Variants in MAST4 observed in about 807,000 individuals in gnomAD.
MAST4 encodes the protein microtubule-associated serine/threonine-protein kinase 4.
In MAST4, 89 loss-of-function variants were observed where a neutral mutation model predicts 162.7. The observed-to-expected ratio is 0.55, with a 90% confidence interval of 0.46 to 0.65. The LOEUF is 0.65. Among genes scored for constraint, MAST4 ranks in the 30% least tolerant of loss-of-function variants. The pLI is 0.00. For synonymous variants in MAST4, 1,479 were observed against 1,361.1 expected, an observed-to-expected ratio of 1.09 and a Z score of -1.91; for missense variants, 3,153 against 3,374.0, an observed-to-expected ratio of 0.93 and a Z score of 1.62.
At chr5:67,104,697 GA>G (rs60519477) in intron 10 of MAST4, 122 bp downstream of exon 10, 48,113 of 476,652 alleles carry the variant, frequency 0.1, 1,630 homozygotes, top group African/African-American at 0.3. Context: ...AAAAAAGAAG[GA>G]AAAAAAAAAA....
At chr5:66,710,155 C>T (rs1053409412) in intron 1 of MAST4, among the ~76,000 whole-genome samples, 6 of 152,210 alleles carry the variant, frequency 3.9e-5, no homozygotes, top group Non-Finnish European at 5.9e-5. Context: ...CCATTTCTCT[C>T]CTGGATTTAG....
At chr5:66,975,213 TGACACTGATTTCA>T (rs1747981456) in intron 4 of MAST4, among the ~76,000 whole-genome samples, 1 of 152,168 alleles carries the variant, frequency 6.6e-6, no homozygotes, top group Non-Finnish European at 1.5e-5. Context: ...TTCAGCCCTT[TGACACTGATTTCA>T]GATTTCTGGC....
intron 3 of MAST4, among the ~76,000 whole-genome samples, chr5:66,810,826 C>T (rs907899492): frequency 6.6e-6 from 1 of 152,146 alleles, no homozygotes. Context: ...AGATTTTGAT[C>T]CATACTTGTG....
At chr5:66,828,739 A>G in intron 3 of MAST4, 1 of 1,521,302 alleles carries the variant, frequency 6.6e-7, no homozygotes, top group Admixed American at 2.0e-5. Flanking sequence ...CTAGAGCGTG[A>G]TGTAAGTGTT....
At chr5:66,771,157 G>T (rs552506883) in intron 2 of MAST4, among the ~76,000 whole-genome samples, 1 of 151,756 alleles carries the variant, frequency 6.6e-6, no homozygotes, top group Non-Finnish European at 1.5e-5. Flanking sequence ...AAAGTTGTAT[G>T]TGTGTAAATA....
At chr5:66,930,722 T>G (rs530178812) in intron 4 of MAST4, 1 of 470,860 alleles carries the variant, frequency 2.1e-6, no homozygotes, top group Admixed American at 2.3e-5. Flanking sequence ...TTTATACCAT[T>G]CTATCTGGGT....
intron 1 of MAST4, among the ~76,000 whole-genome samples, chr5:66,639,906 G>A (rs1420318096): frequency 6.6e-6 from 1 of 152,082 alleles, no homozygotes; most frequent in East Asian, 1.9e-4. Context: ...GAAGCCAATT[G>A]ATATATCTAT....
intron 4 of MAST4, among the ~76,000 whole-genome samples, chr5:67,011,593 C>T (rs1752680016): frequency 1.3e-5 from 2 of 152,166 alleles, no homozygotes; most frequent in African/African-American, 2.4e-5. Context: ...CAGGGATACC[C>T]CTAGAGCAGA....
Position 67,152,726 on chromosome 5 carries a change from C to A in MAST4, c.3385C>A (p.Arg1129=). The change falls in exon 25 of 29, where the codon CGA becomes AGA. Residue 1129 remains arginine (R), a synonymous_variant. Transcript: ENST00000403625. ...PSSSRDSSPS[R]DSSAASASPH... ...TTCTTCACGAGATTCCTCTCCCAGC[C>A]GAGATTCCTCAGCAGCTTCTGCCAG... The A allele has an allele frequency of 6.2e-7, 1 of 1,614,062 alleles. No homozygotes were observed. The highest frequency in any genetic ancestry group is 1.1e-5 in the South Asian group (1 of 91,092).
intron 4 of MAST4, among the ~76,000 whole-genome samples, chr5:66,970,275 G>A (rs1473127479): frequency 6.6e-6 from 1 of 152,202 alleles, no homozygotes; most frequent in African/African-American, 2.4e-5. Context: ...TGCTCCAGAG[G>A]AGGACAGGGT....
intron 4 of MAST4, among the ~76,000 whole-genome samples, chr5:66,951,065 A>G (rs752119410): frequency 1.3e-5 from 2 of 152,168 alleles, no homozygotes; most frequent in African/African-American, 4.8e-5. Context: ...GCACTTGGGT[A>G]ATTTTCAGTT....
intron 3 of MAST4, among the ~76,000 whole-genome samples, chr5:66,830,944 C>G (rs978921911): frequency 1.5e-4 from 23 of 152,172 alleles, no homozygotes; most frequent in African/African-American, 5.5e-4. Flanking sequence ...ATCTCTATTC[C>G]TGGCTCCAAT....
intron 5 of MAST4, among the ~76,000 whole-genome samples, chr5:67,080,461 A>G (rs1366265033): frequency 6.6e-6 from 1 of 152,202 alleles, no homozygotes; most frequent in African/African-American, 2.4e-5. Context: ...ACATTTGTGC[A>G]TACAGAATCT....
chr5:67,004,572 A>G (rs1751729563), intron 4 of MAST4: 1 of 166,080 alleles, frequency 6.0e-6, no homozygotes, highest in Admixed American at 5.7e-5. Context: ...AAAGCCTCAA[A>G]ATAGTCGTCT....
chr5:66,756,534 A>G (rs767400698), intron 1 of MAST4, among the ~76,000 whole-genome samples: 3 of 152,220 alleles, frequency 2.0e-5, no homozygotes, highest in Non-Finnish European at 2.9e-5. Context: ...GAGTCTGGAA[A>G]AGTTGGAAAA....
In MAST4 at chr5:67,166,461, C is replaced by T; in HGVS notation, c.7282C>T (p.Pro2428Ser). The T allele has an allele frequency of 3.1e-6, 5 of 1,602,128 alleles. No homozygotes were observed. The highest frequency in any genetic ancestry group is 3.4e-6 in the Non-Finnish European group (4 of 1,173,830). The change falls in exon 29 of 29, where the codon CCG becomes TCG. Residue 2428 changes from proline to serine, a missense_variant. Physicochemically the swap from Pro to Ser is moderately conservative, Grantham distance 74 (BLOSUM62 -1). Coordinates refer to ENST00000403625, the MANE Select transcript of MAST4 (RefSeq NM_001164664.2). ...RGKGPGPQKP[P>S]TEADKPNGMK... Reference sequence around the variant, plus strand: ...GAAAGGGCCCGGTCCCCAGAAGCCACCGACGGAGGCAGACAAGCCCAATGG... The same window carrying T: ...GAAAGGGCCCGGTCCCCAGAAGCCATCGACGGAGGCAGACAAGCCCAATGG...
In MAST4 at chr5:66,679,733, T is replaced by C. The variant is rs1354630526; in HGVS notation, c.364-79976T>C. ...GGTGTGGGGTTGCAGGCTCTCCAGT[T>C]GGGGAGGCACTTACCTCTGTATTCT... On this transcript the variant is annotated intron_variant, in intron 1 of 28. Transcript: ENST00000403625. 2.6e-5 allele frequency among the ~76,000 whole-genome samples: 4 copies of C among 152,110 alleles called. No homozygotes were observed. The East Asian group carries it at 7.8e-4, about 29-fold the overall frequency.
chr5:66,854,408 A>G (rs1159039669), intron 3 of MAST4, among the ~76,000 whole-genome samples: 1 of 152,214 alleles, frequency 6.6e-6, no homozygotes, highest in Non-Finnish European at 1.5e-5. Context: ...TGAATCAGGA[A>G]TCCAGATGCA....
intron 6 of MAST4, among the ~76,000 whole-genome samples, chr5:67,091,801 TA>T (rs1421122724): frequency 6.6e-6 from 1 of 151,976 alleles, no homozygotes; most frequent in African/African-American, 2.4e-5. Context: ...ATTAAAAAAA[TA>T]CATAACCCCC....
Sources: gnomAD v4.1 joint callset for allele counts (sites outside exome capture counted in the v4.1 genomes callset) on GRCh38, gnomAD v4.1.1 for gene constraint, MANE v1.5 for transcripts, NCBI Gene and HGNC (gene_info 2026-07-23, HGNC 2026-07-21) for gene names.